TXNDC9: variants seen among roughly 807,000 people sequenced by gnomAD.
The protein encoded by TXNDC9 is thioredoxin domain containing 9.
In TXNDC9, 7 loss-of-function variants were observed where a neutral mutation model predicts 23.0. The observed-to-expected ratio is 0.30, with a 90% CI of 0.17 to 0.57. The LOEUF is 0.57. TXNDC9 is among the 20% of genes least tolerant of loss of function. TXNDC9 has a pLI of 0.90. For missense variants in TXNDC9, 198 were observed against 252.6 expected, an observed-to-expected ratio of 0.78 and a Z score of 1.47; for synonymous variants, 72 against 90.6, an observed-to-expected ratio of 0.79 and a Z score of 1.17.
downstream of TXNDC9, among the ~76,000 whole-genome samples, chr2:99,318,507 G>A (rs979884746): frequency 2.0e-5 from 3 of 152,114 alleles, no homozygotes; most frequent in African/African-American, 7.2e-5. Flanking sequence ...ATTTCCACTG[G>A]ACAGAACCTC....
chr2:99,314,154 G>C (rs578078396), downstream of TXNDC9, among the ~76,000 whole-genome samples: 5 of 152,192 alleles, frequency 3.3e-5, no homozygotes, highest in South Asian at 1.0e-3. Flanking sequence ...TGGCCTCTTA[G>C]TCTTTTTTTC....
intron 3 of TXNDC9, among the ~76,000 whole-genome samples, chr2:99,326,169 C>T (rs535312326): frequency 7.0e-4 from 107 of 152,322 alleles, no homozygotes; most frequent in South Asian, 4.1e-4. Context: ...AGAGGTTTCT[C>T]TGATACCTTT....
At chr2:99,327,065 A>G (rs1295750237) in intron 3 of TXNDC9, among the ~76,000 whole-genome samples, 1 of 152,094 alleles carries the variant, frequency 6.6e-6, no homozygotes, top group African/African-American at 2.4e-5. Flanking sequence ...TAAAATAACA[A>G]TTAACTTTTT....
chr2:99,331,265 C>A (rs1471841173), intron 2 of TXNDC9, among the ~76,000 whole-genome samples: 5 of 151,998 alleles, frequency 3.3e-5, no homozygotes, highest in Non-Finnish European at 7.4e-5. Flanking sequence ...TAATTATCAG[C>A]CCTATACTAT....
chr2:99,307,986 C>G, the TXNDC9 span, among the ~76,000 whole-genome samples: 56,294 of 151,940 alleles, frequency 0.37, 11,187 homozygotes, highest in East Asian at 0.63. Context: ...AGAACTAAGG[C>G]CAACATGTCT....
chr2:99,320,952 A>C (rs1432321637), intron 4 of TXNDC9, among the ~76,000 whole-genome samples: 1 of 152,014 alleles, frequency 6.6e-6, no homozygotes, highest in East Asian at 1.9e-4. Context: ...ATGTTGCCCA[A>C]ATTGGTCTCA....
intron 2 of TXNDC9, among the ~76,000 whole-genome samples, chr2:99,332,099 G>A (rs1033058141): frequency 1.3e-5 from 2 of 152,196 alleles, no homozygotes; most frequent in African/African-American, 4.8e-5. Context: ...AGGAACCAGA[G>A]TTGGTGATAA....
intron 2 of TXNDC9, among the ~76,000 whole-genome samples, chr2:99,328,302 A>T (rs1421481920): frequency 6.8e-6 from 1 of 146,736 alleles, no homozygotes; most frequent in Non-Finnish European, 1.5e-5. Context: ...GGTTTTTACT[A>T]TATCGCCCAG....
At chr2:99,312,530 A>G in the TXNDC9 span, among the ~76,000 whole-genome samples, 1 of 151,944 alleles carries the variant, frequency 6.6e-6, no homozygotes, top group Admixed American at 6.6e-5. Flanking sequence ...AAATATTTTC[A>G]TATGTACCAT....
intron 3 of TXNDC9, among the ~76,000 whole-genome samples, chr2:99,326,343 CAAGAAGGCCA>C (rs762263146): frequency 1.7e-4 from 26 of 152,102 alleles, no homozygotes; most frequent in Non-Finnish European, 3.4e-4. Context: ...GACAAAGGGG[CAAGAAGGCCA>C]CAGAAATGAG....
chr2:99,322,058 T>G lies in TXNDC9; in HGVS notation c.460A>C (p.Thr154Pro). 9 of 1,614,190 alleles carry G rather than the reference T, an allele frequency of 5.6e-6. No individual in the cohort carries two copies. Among genetic ancestry groups the G allele is most frequent in the Non-Finnish European group, 7.6e-6 (9 of 1,180,028 alleles). ...PTLALLKDGK[T>P]QDYVVGFTDL... ...GTAAACCCAACAACATAATCTTGTGTTTTCCCATCTTTTAGCAGTGCTAGT... is the reference window on the plus strand; with the variant it reads ...GTAAACCCAACAACATAATCTTGTGGTTTCCCATCTTTTAGCAGTGCTAGT... The change falls in exon 4 of 5, where the codon ACA (threonine) becomes CCA (proline). Residue 154 changes from threonine (T) to proline (P), a missense_variant. Coordinates refer to ENST00000264255, the MANE Select transcript of TXNDC9 (RefSeq NM_005783.4).
Position 99,319,792 on chromosome 2 carries a change from A to C in TXNDC9, c.571T>G (p.Leu191Val). ...SSDILNYSGN[L>V]MEPPFQNQKK... The stretch of plus-strand genomic sequence containing the variant: ...TGGTTCTGAAATGGTGGCTCCATTA[A>C]ATTTCCACTTAAAAAAAAAAAAAAG... The change falls in exon 5 of 5, where the codon TTA (leucine) becomes GTA (valine). Residue 191 changes from leucine (L) to valine (V), a missense_variant. Physicochemically the swap from Leu to Val is conservative, Grantham distance 32. Coordinates refer to ENST00000264255, the MANE Select transcript of TXNDC9 (RefSeq NM_005783.4). 2 of 1,573,464 alleles carry C rather than the reference A, an allele frequency of 1.3e-6. No individual in the cohort carries two copies. Among genetic ancestry groups the C allele is most frequent in the South Asian group, 1.2e-5 (1 of 83,986 alleles).
downstream of TXNDC9, among the ~76,000 whole-genome samples, chr2:99,318,420 C>T (rs1348460749): frequency 1.3e-5 from 2 of 152,098 alleles, no homozygotes; most frequent in South Asian, 2.1e-4. Context: ...GTGATCCACC[C>T]ACCTCGGCCT....
chr2:99,327,269 G>A (rs1209858443), intron 3 of TXNDC9, among the ~76,000 whole-genome samples: 5 of 151,950 alleles, frequency 3.3e-5, no homozygotes, highest in African/African-American at 9.7e-5. Flanking sequence ...GCAGGGTTTC[G>A]CCATGTTGGC....
rs563150733 is a variant in TXNDC9, at chr2:99,332,980, A to C, written c.189+42T>G. On this transcript the variant is annotated intron_variant, in intron 2 of 4. Coordinates refer to ENST00000264255, the MANE Select transcript of TXNDC9 (RefSeq NM_005783.4). ...CATGTATATATAAGTTGTTAGGCGC[A>C]TACTGTTATAGCAATTTCAGAAAGC... The C allele has an allele frequency of 8.0e-6, 12 of 1,504,148 alleles. No individual in the cohort carries two copies. The East Asian group carries it at 2.3e-4, about 28-fold the overall frequency. 93.2% of individuals were successfully genotyped at this position (1,504,148 alleles called of 1,614,324 possible).
chr2:99,318,020 A>T (rs1430442183), downstream of TXNDC9, among the ~76,000 whole-genome samples: 1 of 152,158 alleles, frequency 6.6e-6, no homozygotes. Context: ...CCTCCTGAAT[A>T]GCTGGAATTA....
At chr2:99,333,383 G>A (rs1252343078) in intron 1 of TXNDC9, 141 bp from the exon 2 acceptor site, 2 of 659,362 alleles carry the variant, frequency 3.0e-6, no homozygotes, top group Non-Finnish European at 4.9e-6. Flanking sequence ...TTGATGCTGG[G>A]CTTAACAATT....
intron 3 of TXNDC9, chr2:99,322,626 C>T (rs879920521): frequency 3.2e-6 from 5 of 1,545,218 alleles, no homozygotes; most frequent in East Asian, 4.9e-5. Context: ...ACAGCATTAC[C>T]GAGGAAAAAC....
At chr2:99,319,937 A>G (rs188066556) in intron 4 of TXNDC9, 138 bp from the exon 5 acceptor site, 1 of 596,682 alleles carries the variant, frequency 1.7e-6, no homozygotes, top group East Asian at 2.9e-5. Flanking sequence ...AAGAGGTATA[A>G]TGCTTATATT....
Sources: gnomAD v4.1 joint callset for allele counts (sites outside exome capture counted in the v4.1 genomes callset) on GRCh38, gnomAD v4.1.1 for gene constraint, MANE v1.5 for transcripts, NCBI Gene and HGNC (gene_info 2026-07-23, HGNC 2026-07-21) for gene names.